ABCA12: variants seen among roughly 807,000 people sequenced by gnomAD.
The protein encoded by ABCA12 is ATP binding cassette subfamily A member 12.
A neutral mutation model predicts 293.5 loss-of-function variants in ABCA12; 156 were observed. The ratio of observed to expected loss-of-function variants is 0.53; its 90% CI spans 0.47 to 0.61. The LOEUF (loss-of-function observed/expected upper bound fraction) is 0.61. Ranked by LOEUF, ABCA12 falls within the 20% of genes least tolerant of loss-of-function variation. The probability of loss-of-function intolerance (pLI) is 0.00; values close to 1 mark genes in which losing one functional copy is unlikely to be tolerated. For synonymous variants in ABCA12, 1,063 were observed against 1,108.0 expected, an observed-to-expected ratio of 0.96 and a Z score of 0.81; for missense variants, 2,797 against 3,090.2, an observed-to-expected ratio of 0.91 and a Z score of 2.25.
At position 215,086,458 on chromosome 2, in the gene ABCA12, G is replaced by A. The variant is rs113646050; in HGVS notation, c.164-22239C>T. Among the ~76,000 whole-genome samples, 5 of 152,276 alleles carry A rather than the reference G, an allele frequency of 3.3e-5. 1 individual carries two copies. The highest frequency in any genetic ancestry group is 1.2e-4 in the African/African-American group (5 of 41,558). On this transcript the variant is annotated intron_variant, in intron 2 of 52. Coordinates refer to ENST00000272895, the MANE Select transcript of ABCA12 (RefSeq NM_173076.3). ...TGGGATGTGTTAGGTAGCATGAGGG[G>A]TGTTGGAAGTAAGGTTTTATCCGTG...
In ABCA12 at chr2:214,955,075, T is replaced by A. The variant is rs920980595; in HGVS notation, c.6393+127A>T. 5 of 1,203,246 alleles carry A rather than the reference T, an allele frequency of 4.2e-6. No individual in the cohort carries two copies. In the African/African-American group the frequency reaches 6.2e-5, roughly 15 times the overall value. 74.5% of individuals were successfully genotyped at this position (1,203,246 alleles called of 1,614,324 possible). A position where few individuals can be genotyped will look rare whatever the true frequency, so the allele number is the denominator to read the frequency against. On this transcript the variant is annotated intron_variant, in intron 43 of 52. Coordinates refer to ENST00000272895, the MANE Select transcript of ABCA12 (RefSeq NM_173076.3). ...GGCCCAAAAAGAATTTTAAAAGCTG[T>A]AGTTTCTCCTCTCCCAAATTTAATA...
intron 2 of ABCA12, among the ~76,000 whole-genome samples, chr2:215,068,825 AG>A (rs1448632778): frequency 2.0e-5 from 3 of 152,060 alleles, no homozygotes; most frequent in Non-Finnish European, 4.4e-5. Flanking sequence ...TCACCACCAT[AG>A]AAGAATTTTG....
At chr2:215,090,045 C>T (rs1002438390) in intron 2 of ABCA12, among the ~76,000 whole-genome samples, 3 of 152,134 alleles carry the variant, frequency 2.0e-5, no homozygotes, top group Admixed American at 2.0e-4. Context: ...TAACTGATGA[C>T]ATTACCTTGT....
At chr2:215,003,888 G>A (rs1039753445) in intron 20 of ABCA12, among the ~76,000 whole-genome samples, 1 of 152,104 alleles carries the variant, frequency 6.6e-6, no homozygotes, top group Middle Eastern at 3.4e-3. Flanking sequence ...GGCTGGTCTC[G>A]AACTCCTGAC....
rs143779253 is a variant in ABCA12, at chr2:215,134,797, G to A, written c.69+3343C>T. ...CAAGTAGCTGGGAATACAGGCATGC[G>A]CCACCATGCCCAGCTAATTTTTGTA... is the stretch of plus-strand genomic sequence containing the variant. On this transcript the variant is annotated intron_variant, in intron 1 of 52. Coordinates refer to ENST00000272895, the MANE Select transcript of ABCA12 (RefSeq NM_173076.3). Among the ~76,000 whole-genome samples, 817 of 150,980 alleles carry A rather than the reference G, an allele frequency of 5.4e-3. 18 individuals carry two copies. Among genetic ancestry groups the A allele is most frequent in the African/African-American group, 0.019 (790 of 41,168 alleles).
At chr2:215,083,493 G>C in intron 2 of ABCA12, among the ~76,000 whole-genome samples, 1 of 151,944 alleles carries the variant, frequency 6.6e-6, no homozygotes, top group Non-Finnish European at 1.5e-5. Context: ...ATTGCATTTG[G>C]GTATCATAAG....
intron 12 of ABCA12, 31 bp from the exon 13 acceptor site, chr2:215,019,479 C>T (rs1297405204): frequency 1.5e-5 from 25 of 1,613,164 alleles, no homozygotes; most frequent in Non-Finnish European, 2.0e-5. Flanking sequence ...AGAAATTCAA[C>T]TAAGTATTTC....
intron 8 of ABCA12, 159 bp from the exon 9 acceptor site, chr2:215,032,055 T>C (rs1042593455): frequency 1.0e-5 from 15 of 1,494,902 alleles, no homozygotes; most frequent in Non-Finnish European, 9.8e-6. Flanking sequence ...TATGCTCTTT[T>C]GTTGGAAATA....
chr2:214,968,689 A>G, intron 38 of ABCA12, 31 bp downstream of exon 38: 6 of 1,589,568 alleles, frequency 3.8e-6, no homozygotes, highest in Non-Finnish European at 4.3e-6. Flanking sequence ...TCTCATTTGT[A>G]TAACATTCCA....
Position 215,077,840 on chromosome 2 carries a change from G to A in ABCA12, c.164-13621C>T, listed in dbSNP as rs779088096. On this transcript the variant is annotated intron_variant, in intron 2 of 52. Transcript: ENST00000272895. ...CAGCTGGTTTTTGGAATCCGAGATC[G>A]GACCTTTTATCTATTATTAAATTAT... Among the ~76,000 whole-genome samples the A allele has an allele frequency of 3.9e-5, 6 of 152,134 alleles. No individual in the cohort carries two copies. In the South Asian group the frequency reaches 6.3e-4, roughly 16 times the overall value.
At chr2:215,024,069 T>G (rs1185554907) in intron 11 of ABCA12, among the ~76,000 whole-genome samples, 1 of 152,174 alleles carries the variant, frequency 6.6e-6, no homozygotes, top group African/African-American at 2.4e-5. Context: ...GCCTCTATCT[T>G]CTTAAACTCA....
intron 2 of ABCA12, among the ~76,000 whole-genome samples, chr2:215,103,378 C>T (rs1268324118): frequency 6.8e-6 from 1 of 146,594 alleles, no homozygotes; most frequent in African/African-American, 2.5e-5. Context: ...AAGCAATTAT[C>T]CTGCCTCAGC....
At chr2:215,000,649 G>A (rs948019417) in intron 22 of ABCA12, 56 bp downstream of exon 22, 28 of 1,594,248 alleles carry the variant, frequency 1.8e-5, no homozygotes, top group South Asian at 1.0e-4. Context: ...ATGGACTGAA[G>A]TGAGTTCTCA....
intron 3 of ABCA12, among the ~76,000 whole-genome samples, chr2:215,055,169 T>A (rs1427176698): frequency 6.6e-6 from 1 of 152,126 alleles, no homozygotes; most frequent in African/African-American, 2.4e-5. Context: ...ATACCCAGTA[T>A]GTGCCAGGAA....
chr2:214,937,493 C>A lies in ABCA12; in HGVS notation c.7542+17G>T. 3 of 1,599,848 alleles carry A rather than the reference C, an allele frequency of 1.9e-6. No individual in the cohort carries two copies. The highest frequency in any genetic ancestry group is 2.6e-6 in the Non-Finnish European group (3 of 1,167,384). ...GATTACAGGCGTGAGCCACTGCACC[C>A]AGCCATCATCACTTACTTTTAAGTA... On this transcript the variant is annotated intron_variant, in intron 51 of 52. Coordinates refer to ENST00000272895, the MANE Select transcript of ABCA12 (RefSeq NM_173076.3).
chr2:215,074,417 A>ATTCTAGAAGGATT (rs1301511345), intron 2 of ABCA12, among the ~76,000 whole-genome samples: 12 of 152,172 alleles, frequency 7.9e-5, no homozygotes, highest in African/African-American at 2.9e-4. Context: ...AGGGAGTTTC[A>ATTCTAGAAGGATT]TTCTAGAAGG....
At chr2:215,050,847 G>A in intron 5 of ABCA12, 2 of 984,646 alleles carry the variant, frequency 2.0e-6, no homozygotes, top group Non-Finnish European at 2.4e-6. Flanking sequence ...GCAGTAAAGA[G>A]AAAGAAAGAG....
At chr2:215,079,569 G>A (rs1335940585) in intron 2 of ABCA12, among the ~76,000 whole-genome samples, 1 of 152,074 alleles carries the variant, frequency 6.6e-6, no homozygotes, top group East Asian at 1.9e-4. Flanking sequence ...GTTAATTCAG[G>A]GCAAATGTCA....
intron 15 of ABCA12, among the ~76,000 whole-genome samples, chr2:215,014,960 T>G (rs1700458454): frequency 2.0e-5 from 3 of 152,242 alleles, no homozygotes; most frequent in Admixed American, 2.0e-4. Context: ...TATTGCAAGA[T>G]GAAGTCAATG....
Sources: gnomAD v4.1 joint callset for allele counts (sites outside exome capture counted in the v4.1 genomes callset) on GRCh38, gnomAD v4.1.1 for gene constraint, MANE v1.5 for transcripts, NCBI Gene and HGNC (gene_info 2026-07-23, HGNC 2026-07-21) for gene names.